Variants in RSU1 observed in about 807,000 individuals in gnomAD.
RSU1 encodes rsu-1.
Under a neutral mutation model 31.1 loss-of-function variants are expected in RSU1, and 26 were observed. The observed-to-expected ratio is 0.84, with a 90% confidence interval of 0.61 to 1.16. The LOEUF is 1.16. Among genes scored for constraint, RSU1 ranks in the 50% most tolerant of loss-of-function variants. The probability of loss-of-function intolerance (pLI) is 0.00; values close to 1 mark genes in which losing one functional copy is unlikely to be tolerated. For missense variants in RSU1, 320 were observed against 339.1 expected (o/e 0.94, Z 0.44); for synonymous variants, 164 against 136.3 (o/e 1.20, Z -1.41).
intron 7 of RSU1, among the ~76,000 whole-genome samples, chr10:16,704,474 A>G (rs1360805876): frequency 6.6e-6 from 1 of 152,244 alleles, no homozygotes; most frequent in African/African-American, 2.4e-5. Flanking sequence ...TGGCTCTTTC[A>G]GAGGCCTTGG....
intron 8 of RSU1, among the ~76,000 whole-genome samples, chr10:16,623,354 G>A (rs1300153299): frequency 2.0e-5 from 3 of 152,182 alleles, no homozygotes; most frequent in African/African-American, 7.2e-5. Context: ...TTGCTGCAAA[G>A]GATGTAATCT....
In RSU1 at chr10:16,765,487, G is replaced by A. The variant is rs147954212; in HGVS notation, c.161-977C>T. Among the ~76,000 whole-genome samples the A allele has an allele frequency of 3.0e-3, 451 of 152,142 alleles. 5 individuals are homozygous for A. Among genetic ancestry groups the A allele is most frequent in the African/African-American group, 0.011 (436 of 41,504 alleles). On this transcript the variant is annotated intron_variant, in intron 3 of 8. Coordinates refer to ENST00000345264, the MANE Select transcript of RSU1 (RefSeq NM_012425.4). ...ATCAAAGGTGAAAATCAGCCACTGGGGACCTGAAAGGTTCCTCCTTCCCTA... is the reference window on the plus strand; with the variant it reads ...ATCAAAGGTGAAAATCAGCCACTGGAGACCTGAAAGGTTCCTCCTTCCCTA...
chr10:16,753,984 C>T (rs1274501507), intron 5 of RSU1, among the ~76,000 whole-genome samples: 28 of 152,094 alleles, frequency 1.8e-4, no homozygotes, highest in Middle Eastern at 3.2e-3. Context: ...TGGTCTTGAA[C>T]TCCTAGCCTC....
chr10:16,687,933 G>A (rs935764823), intron 8 of RSU1, among the ~76,000 whole-genome samples: 12 of 152,004 alleles, frequency 7.9e-5, no homozygotes, highest in African/African-American at 2.9e-4. Flanking sequence ...TGTTGCCCAG[G>A]CTGGTCTTGA....
At chr10:16,709,960 T>C (rs1470990298) in intron 7 of RSU1, among the ~76,000 whole-genome samples, 1 of 152,200 alleles carries the variant, frequency 6.6e-6, no homozygotes, top group Non-Finnish European at 1.5e-5. Flanking sequence ...AGATCATGTC[T>C]GCAAACAGGA....
intron 7 of RSU1, among the ~76,000 whole-genome samples, chr10:16,701,444 G>C (rs1835790933): frequency 6.6e-6 from 1 of 152,150 alleles, no homozygotes; most frequent in South Asian, 2.1e-4. Flanking sequence ...TATTCTGTGG[G>C]GAATGCAAGG....
At chr10:16,656,134 C>T (rs760090781) in intron 8 of RSU1, among the ~76,000 whole-genome samples, 3 of 151,954 alleles carry the variant, frequency 2.0e-5, no homozygotes, top group Non-Finnish European at 2.9e-5. Context: ...AGAAAAATTA[C>T]AAAGTACTGG....
intron 8 of RSU1, among the ~76,000 whole-genome samples, chr10:16,669,193 C>A (rs554177210): frequency 3.3e-5 from 5 of 152,076 alleles, no homozygotes; most frequent in African/African-American, 1.2e-4. Flanking sequence ...GACCTACAAA[C>A]GTGCAACTCC....
At chr10:16,774,346 G>A (rs1208045374) in intron 3 of RSU1, among the ~76,000 whole-genome samples, 1 of 152,158 alleles carries the variant, frequency 6.6e-6, no homozygotes, top group East Asian at 1.9e-4. Context: ...GCCGAGGCAA[G>A]CAGATTGCTT....
intron 2 of RSU1, among the ~76,000 whole-genome samples, chr10:16,806,324 T>C (rs1394519149): frequency 6.6e-6 from 1 of 152,172 alleles, no homozygotes; most frequent in Admixed American, 6.5e-5. Context: ...CTTCATCTCC[T>C]CCACAGGGTA....
intron 7 of RSU1, among the ~76,000 whole-genome samples, chr10:16,742,625 T>A (rs1564340797): frequency 1.3e-5 from 2 of 151,356 alleles, no homozygotes; most frequent in Admixed American, 1.3e-4. Context: ...AAAAAAAAAA[T>A]TAAATCCGGA....
intron 8 of RSU1, among the ~76,000 whole-genome samples, chr10:16,633,838 G>A (rs1022826992): frequency 6.6e-6 from 1 of 152,082 alleles, no homozygotes; most frequent in Non-Finnish European, 1.5e-5. Context: ...CCCTGGGTGG[G>A]TCAGGATCTC....
intron 7 of RSU1, among the ~76,000 whole-genome samples, chr10:16,735,672 A>G (rs1210402815): frequency 5.3e-5 from 8 of 152,116 alleles, no homozygotes; most frequent in Non-Finnish European, 1.0e-4. Context: ...GGCAGAGGGG[A>G]AGCAAACATG....
chr10:16,711,290 G>GT (rs984122885), intron 7 of RSU1, among the ~76,000 whole-genome samples: 10 of 151,188 alleles, frequency 6.6e-5, no homozygotes, highest in Admixed American at 1.3e-4. Context: ...CTTGAGTCTT[G>GT]TTTTTTTTAG....
rs1211425927 is a variant in RSU1 at position 16,592,276 on chromosome 10, A to C, written c.*1118T>G. 1.3e-5 allele frequency: 2 copies of C among 152,164 alleles called. No homozygotes were observed. Among genetic ancestry groups the C allele is most frequent in the Non-Finnish European group, 2.9e-5 (2 of 68,038 alleles). 9.4% of individuals were successfully genotyped at this position (152,164 alleles called of 1,614,324 possible). A position where few individuals can be genotyped will look rare whatever the true frequency, so the allele number is the denominator to read the frequency against. On this transcript the variant is annotated 3_prime_UTR_variant, in exon 9 of 9. Transcript: ENST00000345264. ...CCATTTGAAAAGACGGTGCATCTTC[A>C]CATACCATTTTTTTTGTGTCGGCCT...
Position 16,761,366 on chromosome 10 carries a change from T to G in RSU1, c.281+3024A>C, listed in dbSNP as rs117319785. Among the ~76,000 whole-genome samples, 672 of 152,340 alleles carry G rather than the reference T, an allele frequency of 4.4e-3. 7 individuals are homozygous for G. Among genetic ancestry groups the G allele is most frequent in the Non-Finnish European group, 4.6e-3 (316 of 68,036 alleles). On this transcript the variant is annotated intron_variant, in intron 4 of 8. Coordinates refer to ENST00000345264, the MANE Select transcript of RSU1 (RefSeq NM_012425.4). The stretch of plus-strand genomic sequence containing the variant: ...TAATGGAAGCTCCATCAGGGCTGGA[T>G]GGCCAGCAGCTAGAACAATGCCTGG...
At chr10:16,790,281 C>A (rs548128645) in intron 2 of RSU1, among the ~76,000 whole-genome samples, 3 of 152,250 alleles carry the variant, frequency 2.0e-5, no homozygotes, top group African/African-American at 7.2e-5. Flanking sequence ...GCAGCATCGA[C>A]CACACATCCT....
intron 7 of RSU1, among the ~76,000 whole-genome samples, chr10:16,743,183 G>A (rs1275815723): frequency 6.6e-6 from 1 of 152,098 alleles, no homozygotes; most frequent in Non-Finnish European, 1.5e-5. Context: ...TAAAATTAAG[G>A]CATATATTTG....
intron 6 of RSU1, 121 bp from the exon 7 acceptor site, chr10:16,752,774 C>T: frequency 9.8e-7 from 1 of 1,022,516 alleles, no homozygotes; most frequent in Non-Finnish European, 1.5e-6. Flanking sequence ...TTTACAAGTG[C>T]CGGCGGATAA....
Sources: allele counts gnomAD v4.1 joint callset (sites outside exome capture counted in the v4.1 genomes callset), GRCh38; gene constraint gnomAD v4.1.1; transcripts MANE v1.5; gene names NCBI Gene and HGNC (gene_info 2026-07-23, HGNC 2026-07-21).